OTUD7A: variants seen among roughly 807,000 people sequenced by gnomAD.
OTUD7A encodes OTU domain-containing protein 7A.
OTUD7A carries 12 observed loss-of-function variants against 65.7 expected under a neutral mutation model. The ratio of observed to expected loss-of-function variants is 0.18; its 90% CI spans 0.12 to 0.30. The LOEUF is 0.30. OTUD7A is among the 10% of genes least tolerant of loss of function. OTUD7A has a pLI of 1.00. For missense variants in OTUD7A, 1,148 were observed against 1,304.8 expected (o/e 0.88, Z 1.85); for synonymous variants, 641 against 586.3 (o/e 1.09, Z -1.35).
intron 1 of OTUD7A, among the ~76,000 whole-genome samples, chr15:31,862,464 T>C (rs1329287411): frequency 2.6e-5 from 4 of 152,184 alleles, no homozygotes; most frequent in Admixed American, 1.3e-4. Context: ...GAGGTTTAAT[T>C]GGACTTACAG....
chr15:31,730,624 T>G (rs1894014170), intron 1 of OTUD7A, among the ~76,000 whole-genome samples: 1 of 152,236 alleles, frequency 6.6e-6, no homozygotes, highest in Admixed American at 6.5e-5. Context: ...CAGATTCAGC[T>G]GCTGCCAAGG....
chr15:31,542,717 G>A (rs1264264620), intron 5 of OTUD7A, among the ~76,000 whole-genome samples: 1 of 151,502 alleles, frequency 6.6e-6, no homozygotes, highest in African/African-American at 2.4e-5. Context: ...TAAAAGACAG[G>A]GAGAAAAGAT....
chr15:31,860,677 G>GCA (rs1555425281), intron 1 of OTUD7A, among the ~76,000 whole-genome samples: 18,258 of 71,942 alleles, frequency 0.25, 3,314 homozygotes, highest in South Asian at 0.37. Flanking sequence ...ATGTATGTGT[G>GCA]TATATATATA....
chr15:31,581,696 C>A (rs999955773), intron 3 of OTUD7A, among the ~76,000 whole-genome samples: 4 of 152,122 alleles, frequency 2.6e-5, no homozygotes, highest in Non-Finnish European at 5.9e-5. Context: ...TGAGACTGCA[C>A]AAAGCAGCAA....
chr15:31,497,787 C>A (rs1181405160), intron 10 of OTUD7A, among the ~76,000 whole-genome samples: 10 of 152,156 alleles, frequency 6.6e-5, no homozygotes, highest in Non-Finnish European at 1.3e-4. Context: ...CCCTCCCAAC[C>A]CTTCACTGGC....
In OTUD7A at chr15:31,483,475, G is replaced by A; in HGVS notation, c.2621C>T (p.Ala874Val). 1.4e-6 allele frequency: 2 copies of A among 1,390,200 alleles called. No homozygotes were observed. Among genetic ancestry groups the A allele is most frequent in the Non-Finnish European group, 1.9e-6 (2 of 1,071,152 alleles). 86.1% of individuals were successfully genotyped at this position (1,390,200 alleles called of 1,614,324 possible). ...ALRDGLEFAD[A>V]DAPTARSNGE... ...GTTCGAGCGCGCGGTCGGCGCGTCG[G>A]CGTCGGCGAACTCCAGGCCGTCGCG... The change falls in exon 13 of 13, where the codon GCC becomes GTC. Residue 874 changes from alanine to valine, a missense_variant. Physicochemically the swap from Ala to Val is moderately conservative, Grantham distance 64. Transcript: ENST00000307050.
intron 1 of OTUD7A, among the ~76,000 whole-genome samples, chr15:31,671,010 C>T (rs915802378): frequency 6.6e-6 from 1 of 150,894 alleles, no homozygotes; most frequent in East Asian, 1.9e-4. Context: ...AAAAAAAAAT[C>T]TTCTCCCATT....
chr15:31,686,009 G>A (rs1295275701), intron 1 of OTUD7A, among the ~76,000 whole-genome samples: 1 of 152,204 alleles, frequency 6.6e-6, no homozygotes, highest in Non-Finnish European at 1.5e-5. Context: ...CCATCTCACG[G>A]GGGACTGTGT....
intron 1 of OTUD7A, among the ~76,000 whole-genome samples, chr15:31,750,667 C>G (rs1037573343): frequency 2.6e-5 from 4 of 152,128 alleles, no homozygotes; most frequent in African/African-American, 9.7e-5. Context: ...ACACATAGAT[C>G]AATGGAACAA....
chr15:31,775,115 CA>C (rs1895342564), intron 1 of OTUD7A, among the ~76,000 whole-genome samples: 21 of 151,904 alleles, frequency 1.4e-4, no homozygotes, highest in South Asian at 6.3e-4. Flanking sequence ...CACACACACA[CA>C]CACCCCTCCC....
intron 3 of OTUD7A, among the ~76,000 whole-genome samples, chr15:31,640,541 CA>C (rs1298517242): frequency 2.0e-5 from 3 of 151,878 alleles, no homozygotes; most frequent in Non-Finnish European, 4.4e-5. Flanking sequence ...AGATGTAAAC[CA>C]AAGTTCATTT....
At chr15:31,783,041 C>A (rs530003021) in intron 1 of OTUD7A, among the ~76,000 whole-genome samples, 1 of 152,208 alleles carries the variant, frequency 6.6e-6, no homozygotes, top group African/African-American at 2.4e-5. Context: ...TTTGTGAAGT[C>A]CTGCATTTAA....
At chr15:31,665,872 C>G (rs1892305218) in intron 1 of OTUD7A, among the ~76,000 whole-genome samples, 1 of 152,122 alleles carries the variant, frequency 6.6e-6, no homozygotes, top group Non-Finnish European at 1.5e-5. Flanking sequence ...TAAAGCGATG[C>G]TGGATTTTGT....
intron 5 of OTUD7A, among the ~76,000 whole-genome samples, chr15:31,547,793 A>G (rs1477292852): frequency 6.6e-6 from 1 of 152,224 alleles, no homozygotes; most frequent in Non-Finnish European, 1.5e-5. Context: ...AACTTAAGTC[A>G]TCCTGATTTC....
intron 1 of OTUD7A, among the ~76,000 whole-genome samples, chr15:31,860,323 A>G (rs1393263783): frequency 6.6e-6 from 1 of 152,152 alleles, no homozygotes; most frequent in Non-Finnish European, 1.5e-5. Context: ...GAAATGTTTC[A>G]AATTTTATAT....
At chr15:31,737,138 G>T (rs1303837426) in intron 1 of OTUD7A, among the ~76,000 whole-genome samples, 2 of 152,140 alleles carry the variant, frequency 1.3e-5, no homozygotes, top group East Asian at 3.8e-4. Context: ...AGGATAGGTA[G>T]AAATCATAAA....
intron 1 of OTUD7A, among the ~76,000 whole-genome samples, chr15:31,717,337 C>T (rs1259836534): frequency 6.6e-6 from 1 of 152,126 alleles, no homozygotes; most frequent in Non-Finnish European, 1.5e-5. Flanking sequence ...GTTTGCTGCA[C>T]TCATCAACCC....
intron 1 of OTUD7A, among the ~76,000 whole-genome samples, chr15:31,817,959 T>C (rs1896591223): frequency 6.6e-6 from 1 of 152,206 alleles, no homozygotes; most frequent in Non-Finnish European, 1.5e-5. Context: ...TGAGTGGGAT[T>C]CATGCCCTTA....
At chr15:31,493,856 G>C (rs934190983) in intron 10 of OTUD7A, among the ~76,000 whole-genome samples, 1 of 152,228 alleles carries the variant, frequency 6.6e-6, no homozygotes, top group Non-Finnish European at 1.5e-5. Context: ...AGTTACAGCA[G>C]TACTTAGGGG....
Sources: allele counts gnomAD v4.1 joint callset (sites outside exome capture counted in the v4.1 genomes callset), GRCh38; gene constraint gnomAD v4.1.1; transcripts MANE v1.5; gene names NCBI Gene and HGNC (gene_info 2026-07-23, HGNC 2026-07-21).